Variants in IZUMO4 observed in about 807,000 individuals in gnomAD.
IZUMO4 encodes the protein izumo sperm-egg fusion protein 4.
In IZUMO4, 51 loss-of-function variants were observed where a neutral mutation model predicts 37.1. The observed-to-expected ratio is 1.38, with a 90% CI of 1.10 to 1.74. IZUMO4 has a LOEUF of 1.74. Among genes scored for constraint, IZUMO4 ranks in the 40% most tolerant of loss-of-function variants. IZUMO4 has a pLI of 0.00. For missense variants in IZUMO4, 364 were observed against 299.6 expected, an observed-to-expected ratio of 1.21 and a Z score of -1.59; for synonymous variants, 162 against 121.4, an observed-to-expected ratio of 1.33 and a Z score of -2.20.
At chr19:2,099,105 A>C in intron 9 of IZUMO4, 76 bp downstream of exon 9, 1 of 1,443,832 alleles carries the variant, frequency 6.9e-7, no homozygotes, top group Non-Finnish European at 9.7e-7. Flanking sequence ...CGGCCTGCAC[A>C]CCCTGCTGAC....
chr19:2,098,368 C>T (rs772091600), intron 6 of IZUMO4, 34 bp downstream of exon 6: 10 of 1,614,026 alleles, frequency 6.2e-6, no homozygotes, highest in Non-Finnish European at 8.5e-6. Flanking sequence ...GCAAGCTCAC[C>T]TGGGCCTGGG....
rs1480670294 is a variant in IZUMO4 at position 2,097,921 on chromosome 19, T to C, written c.371-8T>C. On this transcript the variant is annotated splice_region_variant and splice_polypyrimidine_tract_variant and intron_variant, in intron 3 of 9. Transcript: ENST00000395301. ...CTGGTAAGATGGCGCTGTCCTGCCCTCCCACAGGCCGCATCGACTGTCAGC... is the reference window on the plus strand; with the variant it reads ...CTGGTAAGATGGCGCTGTCCTGCCCCCCCACAGGCCGCATCGACTGTCAGC... 13 of 1,612,762 alleles carry C rather than the reference T, an allele frequency of 8.1e-6. No individual in the cohort carries two copies. Among genetic ancestry groups the C allele is most frequent in the Non-Finnish European group, 1.1e-5 (13 of 1,179,916 alleles).
chr19:2,098,230 G>T, intron 5 of IZUMO4, 57 bp from the exon 6 acceptor site: 2 of 1,612,458 alleles, frequency 1.2e-6, no homozygotes, highest in Non-Finnish European at 1.7e-6. Context: ...GGCTGTCATC[G>T]GGTAGGGCGG....
chr19:2,098,870 G>C, intron 8 of IZUMO4, 66 bp downstream of exon 8: 1 of 1,552,120 alleles, frequency 6.4e-7, no homozygotes, highest in Non-Finnish European at 8.9e-7. Context: ...GGGCTAGGGG[G>C]TCCTCTAGAT....
rs1568264519 is a variant in IZUMO4 at position 2,098,981 on chromosome 19, G to GCTC, written c.564_566dup (p.Ser189dup). Reference sequence around the variant, plus strand: ...TGTGGTGGTTTCATGAACAGACCACGCTCCTCTGCCTTCTCCTGGCCTGGG... The same window carrying GCTC: ...TGTGGTGGTTTCATGAACAGACCACGCTCCTCCTCTGCCTTCTCCTGGCCTGGG... On this transcript the variant is annotated inframe_insertion, in exon 9 of 10. Coordinates refer to ENST00000395301, the MANE Select transcript of IZUMO4 (RefSeq NM_001039846.2). The GCTC allele has an allele frequency of 1.9e-6, 3 of 1,613,144 alleles. No homozygotes were observed. The highest frequency in any genetic ancestry group is 2.5e-6 in the Non-Finnish European group (3 of 1,179,962).
At chr19:2,098,866 G>A (rs1458029817) in intron 8 of IZUMO4, 62 bp downstream of exon 8, 8 of 1,325,916 alleles carry the variant, frequency 6.0e-6, no homozygotes, top group Non-Finnish European at 8.1e-6. Context: ...AGGGGGGCTA[G>A]GGGGTCCTCT....
chr19:2,098,780 C>A lies in IZUMO4; in HGVS notation c.537-7C>A. The stretch of plus-strand genomic sequence containing the variant: ...GGAGGGGCTGACTGCCCCACATTGC[C>A]TTTCAGACAGGACACGAGCATGAGG... On this transcript the variant is annotated splice_polypyrimidine_tract_variant and splice_region_variant and intron_variant, in intron 7 of 9. Transcript: ENST00000395301. 1 of 1,604,262 alleles carries A rather than the reference C, an allele frequency of 6.2e-7. No homozygotes were observed. Among genetic ancestry groups the A allele is most frequent in the Non-Finnish European group, 8.5e-7 (1 of 1,176,066 alleles).
chr19:2,097,196 C>G, intron 1 of IZUMO4, 34 bp downstream of exon 1: 2 of 1,606,086 alleles, frequency 1.2e-6, no homozygotes, highest in Non-Finnish European at 1.7e-6. Flanking sequence ...TCCCGACTAC[C>G]CCGCCAGCGA....
At chr19:2,099,081 A>C in intron 9 of IZUMO4, 52 bp downstream of exon 9, 2 of 1,553,062 alleles carry the variant, frequency 1.3e-6, no homozygotes, top group Non-Finnish European at 8.9e-7. Flanking sequence ...TCGTAAGCCA[A>C]CACCAGCGTG....
chr19:2,096,991 C>T lies in IZUMO4; in HGVS notation c.46C>T (p.His16Tyr). 6.2e-7 allele frequency: 1 copy of T among 1,610,096 alleles called. No individual in the cohort carries two copies. Among genetic ancestry groups the T allele is most frequent in the Non-Finnish European group, 8.5e-7 (1 of 1,179,806 alleles). Residue 16 changes from histidine to tyrosine, a missense_variant, in exon 1 of 10, where the codon CAC becomes TAC. By Grantham distance (83) the His-to-Tyr change is moderately conservative. Coordinates refer to ENST00000395301, the MANE Select transcript of IZUMO4 (RefSeq NM_001039846.2). ...GGTGTGCCTGACGGCGGCGCTGGCC[C>T]ACGGCTGTCTGCACTGCCACAGCAA... ...CLVCLTAALA[H>Y]GCLHCHSNFS...
chr19:2,098,245 G>A (rs201922037), intron 5 of IZUMO4, 42 bp from the exon 6 acceptor site: 27 of 1,613,058 alleles, frequency 1.7e-5, no homozygotes, highest in African/African-American at 1.2e-4. Flanking sequence ...GGGCGGGGCC[G>A]TGGGTTCAGG....
chr19:2,099,490 C>T lies in IZUMO4; in HGVS notation c.*145C>T, dbSNP rs754100981. On this transcript the variant is annotated 3_prime_UTR_variant, in exon 10 of 10. Transcript: ENST00000395301. ...GCTGAGCTGGCCAGGGCCAGGAGGG[C>T]GGGAGGGAGGGAATGGGGGTGGGCT... is the stretch of plus-strand genomic sequence containing the variant. 21 of 355,826 alleles carry T rather than the reference C, an allele frequency of 5.9e-5. No individual in the cohort carries two copies. Among genetic ancestry groups the T allele is most frequent in the Non-Finnish European group, 8.0e-5 (14 of 175,138 alleles). 22.0% of individuals were successfully genotyped at this position (355,826 alleles called of 1,614,324 possible). A position where few individuals can be genotyped will look rare whatever the true frequency, so the allele number is the denominator to read the frequency against.
At chr19:2,099,213 G>T (rs543642326) in intron 9 of IZUMO4, 42 bp from the exon 10 acceptor site, 27 of 1,563,522 alleles carry the variant, frequency 1.7e-5, no homozygotes, top group Non-Finnish European at 2.3e-5. Context: ...GAGGCAGGGG[G>T]TGGGGGACAT....
intron 9 of IZUMO4, 22 bp from the exon 10 acceptor site, chr19:2,099,233 A>G (rs746455900): frequency 4.4e-6 from 7 of 1,603,566 alleles, no homozygotes; most frequent in Non-Finnish European, 4.3e-6. Flanking sequence ...TGGAGAGCTG[A>G]GGCAGCCTCG....
chr19:2,097,802 A>G, intron 3 of IZUMO4, 127 bp from the exon 4 acceptor site: 2 of 1,232,996 alleles, frequency 1.6e-6, no homozygotes, highest in Non-Finnish European at 2.3e-6. Context: ...ACACACATAC[A>G]TGAAAACCAG....
rs766261768 is a variant in IZUMO4 at position 2,097,413 on chromosome 19, C to G, written c.299-11C>G. 9.1e-5 allele frequency: 146 copies of G among 1,611,646 alleles called. No homozygotes were observed. The highest frequency in any genetic ancestry group is 2.8e-4 in the Admixed American group (17 of 59,986). The stretch of plus-strand genomic sequence containing the variant: ...GCCTGAGCCTGACCTTCTCCTGCCT[C>G]GACGACTCAGGGTATTTCCCCAACG... On this transcript the variant is annotated splice_polypyrimidine_tract_variant and intron_variant, in intron 2 of 9. Coordinates refer to ENST00000395301, the MANE Select transcript of IZUMO4 (RefSeq NM_001039846.2).
chr19:2,098,220 G>A (rs1407191674), intron 5 of IZUMO4, 67 bp from the exon 6 acceptor site: 1 of 1,611,540 alleles, frequency 6.2e-7, no homozygotes, highest in African/African-American at 1.3e-5. Flanking sequence ...CCTTCCACCT[G>A]GCTGTCATCG....
rs1292145842 is a variant in IZUMO4, at chr19:2,097,170, C to T, written c.217+8C>T. 1.9e-6 allele frequency: 3 copies of T among 1,608,010 alleles called. No individual in the cohort carries two copies. Among genetic ancestry groups the T allele is most frequent in the Non-Finnish European group, 2.5e-6 (3 of 1,176,604 alleles). ...CCATCCCCGCCAAGATCAGTGAGTGCCGGAGCCCAGCCCAGTCCCGACTAC... is the reference window on the plus strand; with the variant it reads ...CCATCCCCGCCAAGATCAGTGAGTGTCGGAGCCCAGCCCAGTCCCGACTAC... On this transcript the variant is annotated splice_region_variant and intron_variant, in intron 1 of 9. Coordinates refer to ENST00000395301, the MANE Select transcript of IZUMO4 (RefSeq NM_001039846.2).
Position 2,098,820 on chromosome 19 carries a change from C to T in IZUMO4, c.554+16C>T, listed in dbSNP as rs762414127. 5 of 1,593,756 alleles carry T rather than the reference C, an allele frequency of 3.1e-6. No homozygotes were observed. Among genetic ancestry groups the T allele is most frequent in the African/African-American group, 2.7e-5 (2 of 73,138 alleles). On this transcript the variant is annotated intron_variant, in intron 8 of 9. Coordinates refer to ENST00000395301, the MANE Select transcript of IZUMO4 (RefSeq NM_001039846.2). Reference sequence around the variant, plus strand: ...CGAGCATGAGGTAAGGCCGCCCTGACCTGGACTTCAGGGGGAGGGGGTAAA... The same window carrying T: ...CGAGCATGAGGTAAGGCCGCCCTGATCTGGACTTCAGGGGGAGGGGGTAAA...
Sources: gnomAD v4.1 joint callset for allele counts on GRCh38, gnomAD v4.1.1 for gene constraint, MANE v1.5 for transcripts, NCBI Gene and HGNC (gene_info 2026-07-23, HGNC 2026-07-21) for gene names.